Variants in DNAH3 observed in about 807,000 individuals in gnomAD.
The protein encoded by DNAH3 is dynein axonemal heavy chain 3.
A neutral mutation model predicts 432.5 loss-of-function variants in DNAH3; 332 were observed. The observed-to-expected ratio is 0.77, with a 90% CI of 0.70 to 0.84. The LOEUF is 0.84. DNAH3 is among the 40% of genes least tolerant of loss of function. The pLI, the probability that DNAH3 is intolerant of heterozygous loss-of-function variation, is 0.00. For synonymous variants in DNAH3, 1,956 were observed against 1,900.2 expected (o/e 1.03, Z -0.76); for missense variants, 4,861 against 5,114.0 (o/e 0.95, Z 1.51).
chr16:21,152,348 G>A (rs2092861772), intron 1 of DNAH3, among the ~76,000 whole-genome samples: 1 of 152,228 alleles, frequency 6.6e-6, no homozygotes, highest in Non-Finnish European at 1.5e-5. Flanking sequence ...CGAGTCCACT[G>A]CTCTTTCCAT....
intron 10 of DNAH3, 70 bp downstream of exon 11, chr16:21,121,875 A>G: frequency 7.1e-7 from 1 of 1,405,140 alleles, no homozygotes; most frequent in Non-Finnish European, 9.7e-7. Flanking sequence ...GACTTGTACA[A>G]CCTCTTTCAA....
intron 12 of DNAH3, among the ~76,000 whole-genome samples, chr16:21,113,838 A>G (rs1331243417): frequency 6.6e-6 from 1 of 152,230 alleles, no homozygotes; most frequent in Non-Finnish European, 1.5e-5. Flanking sequence ...TAAAGCACAC[A>G]CAAATGAATT....
Position 20,987,739 on chromosome 16 carries a change from G to C in DNAH3, c.6836C>G (p.Ser2279Ter). ...CAGCAGGACCCCTTGAATCACTCGT[G>C]AGAAGTCCCGCAGGTTAAAGACGTA... The change falls in exon 46 of 62, where the codon TCA (serine) becomes TGA (stop). Residue 2279 changes from serine (S) to a stop codon, truncating the protein, a stop_gained. Coordinates refer to ENST00000261383, the Ensembl canonical transcript of DNAH3. LOFTEE classifies it high-confidence loss of function. The C allele has an allele frequency of 6.2e-7, 1 of 1,614,120 alleles. No individual in the cohort carries two copies. The highest frequency in any genetic ancestry group is 8.5e-7 in the Non-Finnish European group (1 of 1,180,022).
chr16:20,994,804 C>T (rs2086693754), intron 44 of DNAH3, among the ~76,000 whole-genome samples: 1 of 152,134 alleles, frequency 6.6e-6, no homozygotes, highest in Non-Finnish European at 1.5e-5. Context: ...CACTTAAAGA[C>T]AATAACATCT....
At chr16:21,079,500 G>A (rs1452351452) in intron 20 of DNAH3, among the ~76,000 whole-genome samples, 1 of 152,166 alleles carries the variant, frequency 6.6e-6, no homozygotes, top group Non-Finnish European at 1.5e-5. Context: ...GCAGGTGCCT[G>A]TAATCCCAGC....
intron 31 of DNAH3, among the ~76,000 whole-genome samples, chr16:21,046,504 CTT>C (rs1425891236): frequency 6.6e-6 from 1 of 151,670 alleles, no homozygotes; most frequent in Non-Finnish European, 1.5e-5. Context: ...CAACCCCTGC[CTT>C]TTTTTGTTTT....
At chr16:20,978,251 C>T (rs545852958) in intron 50 of DNAH3, among the ~76,000 whole-genome samples, 2 of 152,192 alleles carry the variant, frequency 1.3e-5, no homozygotes, top group East Asian at 1.9e-4. Context: ...ACAAGGTGGC[C>T]GGGCGGGTGG....
At chr16:21,096,361 G>C (rs770152721) in intron 18 of DNAH3, among the ~76,000 whole-genome samples, 10 of 151,330 alleles carry the variant, frequency 6.6e-5, no homozygotes, top group Non-Finnish European at 1.3e-4. Context: ...CGAACTCCTG[G>C]GCTCATGCAA....
chr16:21,113,491 C>T (rs1597400707), intron 12 of DNAH3, among the ~76,000 whole-genome samples: 1 of 152,082 alleles, frequency 6.6e-6, no homozygotes, highest in South Asian at 2.1e-4. Context: ...GATAGACTCT[C>T]ACTGTAACCC....
At chr16:21,002,002 A>C (rs1251000874) in intron 42 of DNAH3, among the ~76,000 whole-genome samples, 1 of 152,150 alleles carries the variant, frequency 6.6e-6, no homozygotes, top group Non-Finnish European at 1.5e-5. Context: ...TGGAGAATTA[A>C]AGTTTAGGAC....
intron 59 of DNAH3, among the ~76,000 whole-genome samples, chr16:20,940,467 C>A (rs1265131592): frequency 6.6e-6 from 1 of 152,086 alleles, no homozygotes; most frequent in Non-Finnish European, 1.5e-5. Flanking sequence ...TTCTCTGTCA[C>A]CCAGGCTGGA....
At chr16:21,115,166 C>G (rs373573754) in intron 12 of DNAH3, among the ~76,000 whole-genome samples, 23 of 152,052 alleles carry the variant, frequency 1.5e-4, no homozygotes, top group African/African-American at 5.6e-4. Context: ...ACCACATGTT[C>G]TCACTCATAG....
exon 44 of DNAH3, chr16:20,997,437 C>T (rs755166420): frequency 1.9e-6 from 3 of 1,614,148 alleles, no homozygotes; most frequent in South Asian, 2.2e-5. Context: ...CCCCATACAC[C>T]TCTTTGGCTG....
At chr16:21,032,360 C>A (rs982399275) in intron 36 of DNAH3, among the ~76,000 whole-genome samples, 1 of 152,084 alleles carries the variant, frequency 6.6e-6, no homozygotes, top group Non-Finnish European at 1.5e-5. Context: ...GTCATTTGTT[C>A]CCAAGAAATA....
At chr16:21,121,361 G>C (rs1233862002) in intron 10 of DNAH3, among the ~76,000 whole-genome samples, 2 of 152,180 alleles carry the variant, frequency 1.3e-5, no homozygotes, top group Non-Finnish European at 2.9e-5. Context: ...GGAAAGGAAT[G>C]GTTATTCTCT....
rs763366936 is a variant in DNAH3 at position 20,969,787 on chromosome 16, C to T, written c.8458+5G>A. On this transcript the variant is annotated splice_donor_5th_base_variant and intron_variant, in intron 52 of 61. Transcript: ENST00000261383. ...GTGCAGGCATCTGGGTGGGGTGGCA[C>T]TTACCGGAGCCACTGGGGTCTGGCT... The T allele has an allele frequency of 1.9e-6, 3 of 1,614,118 alleles. No homozygotes were observed. The highest frequency in any genetic ancestry group is 1.1e-5 in the South Asian group (1 of 91,074).
chr16:21,070,853 C>T (rs1567738620), intron 21 of DNAH3, 27 bp from the exon 22 acceptor site: 1 of 1,375,148 alleles, frequency 7.3e-7, no homozygotes, highest in Non-Finnish European at 1.0e-6. Context: ...CCCACCCTGT[C>T]AAGATTGTGA....
intron 55 of DNAH3, 71 bp from the exon 56 acceptor site, chr16:20,952,620 G>A (rs897989648): frequency 2.0e-6 from 2 of 986,656 alleles, no homozygotes; most frequent in East Asian, 2.4e-5. Flanking sequence ...ACCAAGCCGA[G>A]GGAGTTAAGC....
At chr16:21,154,914 T>C (rs1392707596) in intron 1 of DNAH3, among the ~76,000 whole-genome samples, 1 of 152,012 alleles carries the variant, frequency 6.6e-6, no homozygotes, top group East Asian at 1.9e-4. Flanking sequence ...AGAAAGGATA[T>C]AGGCTTCAAG....
Sources: allele counts gnomAD v4.1 joint callset (sites outside exome capture counted in the v4.1 genomes callset), GRCh38; gene constraint gnomAD v4.1.1; transcripts MANE v1.5; gene names NCBI Gene and HGNC (gene_info 2026-07-23, HGNC 2026-07-21).